The following CTNNA3 variants were observed in gnomAD, a reference collection of about 807,000 sequenced individuals.
CTNNA3 encodes the protein catenin alpha-3.
A neutral mutation model predicts 95.7 loss-of-function variants in CTNNA3; 76 were observed. The observed-to-expected ratio is 0.79, with a 90% CI of 0.66 to 0.96. CTNNA3 has a LOEUF of 0.96. Among genes scored for constraint, CTNNA3 ranks in the 40% least tolerant of loss-of-function variants. The pLI is 0.00. For missense variants in CTNNA3, 1,191 were observed against 1,089.8 expected (o/e 1.09, Z -1.31); for synonymous variants, 431 against 374.4 (o/e 1.15, Z -1.74).
At chr10:67,698,427 C>G (rs900365675), upstream of CTNNA3, among the ~76,000 whole-genome samples, 19 of 152,142 alleles carry the variant, frequency 1.2e-4, no homozygotes, top group African/African-American at 4.3e-4. Flanking sequence ...TAGAAGATTA[C>G]AGGAGAGAAG....
At chr10:67,209,173 C>A (rs539203135) in intron 6 of CTNNA3, among the ~76,000 whole-genome samples, 1 of 152,162 alleles carries the variant, frequency 6.6e-6, no homozygotes, top group African/African-American at 2.4e-5. Flanking sequence ...CTCAGCTTCC[C>A]AAGTAGCTGG....
intron 5 of CTNNA3, among the ~76,000 whole-genome samples, chr10:67,449,514 C>A (rs1246569953): frequency 6.6e-6 from 1 of 152,068 alleles, no homozygotes; most frequent in East Asian, 1.9e-4. Context: ...TGTATACCTA[C>A]AACTATGTGA....
intron 12 of CTNNA3, among the ~76,000 whole-genome samples, chr10:66,345,729 C>T (rs1412760025): frequency 6.6e-6 from 1 of 151,964 alleles, no homozygotes; most frequent in Non-Finnish European, 1.5e-5. Flanking sequence ...TAATGACAAG[C>T]TATGCATACA....
chr10:66,122,156 GA>G (rs1247723173), intron 13 of CTNNA3, among the ~76,000 whole-genome samples: 6 of 151,886 alleles, frequency 4.0e-5, no homozygotes, highest in African/African-American at 1.5e-4. Context: ...AAAACTCTAA[GA>G]AAAAAATCAA....
At chr10:66,303,451 C>T (rs1359490618) in intron 12 of CTNNA3, among the ~76,000 whole-genome samples, 2 of 151,972 alleles carry the variant, frequency 1.3e-5, no homozygotes, top group Admixed American at 6.6e-5. Context: ...ACAGACAATG[C>T]ATTTATACTT....
Position 67,464,345 on chromosome 10 carries a change from G to A in CTNNA3, c.579+57497C>T, listed in dbSNP as rs575111445. On this transcript the variant is annotated intron_variant, in intron 5 of 17. Transcript: ENST00000433211. ...TCCAGAAACAAAAATAATAACTCGCGAATAAAAAGTACCTTGATCCCTTTA... is the reference window on the plus strand; with the variant it reads ...TCCAGAAACAAAAATAATAACTCGCAAATAAAAAGTACCTTGATCCCTTTA... 1.8e-3 allele frequency among the ~76,000 whole-genome samples: 270 copies of A among 152,026 alleles called. 1 individual carries two copies. Among genetic ancestry groups the A allele is most frequent in the African/African-American group, 6.2e-3 (256 of 41,470 alleles).
chr10:66,975,938 A>G (rs1310281110), intron 7 of CTNNA3, among the ~76,000 whole-genome samples: 1 of 152,246 alleles, frequency 6.6e-6, no homozygotes, highest in African/African-American at 2.4e-5. Flanking sequence ...ATTCTAAAGC[A>G]TAAATTATAG....
chr10:66,419,176 T>C (rs1456756587), intron 11 of CTNNA3, among the ~76,000 whole-genome samples: 1 of 152,068 alleles, frequency 6.6e-6, no homozygotes, highest in Non-Finnish European at 1.5e-5. Context: ...TCAGTTACAC[T>C]ACAGGATACA....
At chr10:67,258,985 T>C (rs1276366833) in intron 5 of CTNNA3, among the ~76,000 whole-genome samples, 1 of 152,204 alleles carries the variant, frequency 6.6e-6, no homozygotes, top group Non-Finnish European at 1.5e-5. Flanking sequence ...ACATAATACC[T>C]AATATAATGT....
intron 5 of CTNNA3, among the ~76,000 whole-genome samples, chr10:67,310,455 A>G (rs372405102): frequency 5.3e-5 from 8 of 152,326 alleles, no homozygotes; most frequent in African/African-American, 1.9e-4. Flanking sequence ...GTAAGAGGAA[A>G]AAATCAACAC....
intron 9 of CTNNA3, among the ~76,000 whole-genome samples, chr10:66,736,053 C>T (rs1204081894): frequency 6.6e-6 from 1 of 152,190 alleles, no homozygotes; most frequent in Admixed American, 6.5e-5. Context: ...ATCAGTCCAA[C>T]CTGCAGAGTG....
At chr10:66,407,609 C>A (rs2093068466) in intron 11 of CTNNA3, among the ~76,000 whole-genome samples, 1 of 150,752 alleles carries the variant, frequency 6.6e-6, no homozygotes, top group Non-Finnish European at 1.5e-5. Flanking sequence ...GAGACAGAGT[C>A]TCGCTCTGTC....
At chr10:66,452,958 G>A (rs1186612437) in intron 11 of CTNNA3, among the ~76,000 whole-genome samples, 1 of 152,128 alleles carries the variant, frequency 6.6e-6, no homozygotes, top group African/African-American at 2.4e-5. Context: ...GCTCATGCCT[G>A]TAATCCCAAC....
chr10:67,193,962 C>T (rs184703678), intron 6 of CTNNA3, among the ~76,000 whole-genome samples: 1 of 152,050 alleles, frequency 6.6e-6, no homozygotes, highest in Non-Finnish European at 1.5e-5. Flanking sequence ...GCTCCACAAC[C>T]TCGCCAACAT....
chr10:67,272,664 C>A (rs1839031409), intron 5 of CTNNA3, among the ~76,000 whole-genome samples: 1 of 152,056 alleles, frequency 6.6e-6, no homozygotes, highest in Non-Finnish European at 1.5e-5. Flanking sequence ...GAAGAGAATA[C>A]AAAATAATGT....
chr10:66,086,151 A>G (rs185091008), intron 14 of CTNNA3, among the ~76,000 whole-genome samples: 1 of 152,296 alleles, frequency 6.6e-6, no homozygotes, highest in African/African-American at 2.4e-5. Flanking sequence ...GTAAAATTCC[A>G]TTCAGGCACT....
At chr10:67,321,352 C>G (rs748805956) in intron 5 of CTNNA3, among the ~76,000 whole-genome samples, 2 of 152,112 alleles carry the variant, frequency 1.3e-5, no homozygotes, top group African/African-American at 2.4e-5. Flanking sequence ...CTAGAAGGAG[C>G]CTCTGGAATT....
chr10:66,445,098 A>G (rs955863196), intron 11 of CTNNA3, among the ~76,000 whole-genome samples: 1 of 152,106 alleles, frequency 6.6e-6, no homozygotes, highest in Non-Finnish European at 1.5e-5. Context: ...ATGGTAAAGG[A>G]ATCAATTCAA....
chr10:66,232,954 G>A (rs1179438936), intron 13 of CTNNA3, among the ~76,000 whole-genome samples: 3 of 151,808 alleles, frequency 2.0e-5, no homozygotes, highest in East Asian at 1.9e-4. Flanking sequence ...TCAGGAGATC[G>A]AGACCATCCT....
Sources: allele counts gnomAD v4.1 joint callset (sites outside exome capture counted in the v4.1 genomes callset), GRCh38; gene constraint gnomAD v4.1.1; transcripts MANE v1.5; gene names NCBI Gene and HGNC (gene_info 2026-07-23, HGNC 2026-07-21).